Variants in ATG2B observed in about 807,000 individuals in gnomAD.
ATG2B encodes autophagy related 2B, also known as autophagy-related protein 2 homolog B.
A neutral mutation model predicts 241.3 loss-of-function variants in ATG2B; 121 were observed. That is an observed-to-expected ratio of 0.50 (90% confidence interval 0.43 to 0.58). ATG2B has a LOEUF of 0.58. Ranked by LOEUF, ATG2B falls within the 20% of genes least tolerant of loss-of-function variation. The probability of loss-of-function intolerance (pLI) is 0.00; values close to 1 mark genes in which losing one functional copy is unlikely to be tolerated. For synonymous variants in ATG2B, 858 were observed against 876.6 expected, an observed-to-expected ratio of 0.98 and a Z score of 0.37; for missense variants, 2,306 against 2,491.6, an observed-to-expected ratio of 0.93 and a Z score of 1.59.
intron 36 of ATG2B, 79 bp downstream of exon 36, chr14:96,294,881 T>C (rs879230768): frequency 7.7e-7 from 1 of 1,293,206 alleles, no homozygotes; most frequent in South Asian, 1.3e-5. Flanking sequence ...AACCTCATGA[T>C]TACCAGCACA....
chr14:96,356,162 A>C (rs1463716206), intron 1 of ATG2B, among the ~76,000 whole-genome samples: 3 of 82,940 alleles, frequency 3.6e-5, no homozygotes, highest in Non-Finnish European at 8.2e-5. Flanking sequence ...CAGAGCAAGA[A>C]TGCGGCTCAA....
chr14:96,306,600 AGTAACTCTG>A lies in ATG2B; in HGVS notation c.4506+105_4506+113del. The A allele has an allele frequency of 7.3e-6, 6 of 825,206 alleles. No individual in the cohort carries two copies. In the South Asian group the frequency reaches 1.2e-4, roughly 17 times the overall value. The allele number at this position is 825,206 out of a possible 1,614,324, so 51.1% of individuals were successfully genotyped here. ...GTCAATAGTATATTAAAAAAAAAAA[AGTAACTCTG>A]AACTATAAAGAATTTACAAAATCAA... On this transcript the variant is annotated intron_variant, in intron 30 of 41. Coordinates refer to ENST00000359933, the MANE Select transcript of ATG2B (RefSeq NM_018036.7).
Position 96,332,420 on chromosome 14 carries a change from AT to A in ATG2B, c.1363-11del. The A allele has an allele frequency of 1.2e-6, 2 of 1,612,982 alleles. No homozygotes were observed. The highest frequency in any genetic ancestry group is 1.1e-5 in the South Asian group (1 of 90,936). On this transcript the variant is annotated splice_polypyrimidine_tract_variant and intron_variant, in intron 9 of 41. Transcript: ENST00000359933. ...CCCAAGTGGGCTGAAGCTATAAAAGATTTTTTTTAAGCACATGAATGAAGTG... is the reference window on the plus strand; with the variant it reads ...CCCAAGTGGGCTGAAGCTATAAAAGATTTTTTTAAGCACATGAATGAAGTG...
rs150608832 is a variant in ATG2B, at chr14:96,350,773, C to T, written c.163-3432G>A. Among the ~76,000 whole-genome samples the T allele has an allele frequency of 5.4e-3, 815 of 152,232 alleles. 26 individuals are homozygous for T. The South Asian group carries it at 0.067, about 12-fold the overall frequency. On this transcript the variant is annotated intron_variant, in intron 1 of 41. Coordinates refer to ENST00000359933, the MANE Select transcript of ATG2B (RefSeq NM_018036.7). ...AAGGCTTTCTTCATGCTGACATTTGCATAATCCTAAAGACTTTCCCAGTAG... is the reference window on the plus strand; with the variant it reads ...AAGGCTTTCTTCATGCTGACATTTGTATAATCCTAAAGACTTTCCCAGTAG...
chr14:96,291,002 GT>G (rs968273948), intron 38 of ATG2B, 67 bp from the exon 39 acceptor site: 336 of 1,313,360 alleles, frequency 2.6e-4, no homozygotes, highest in South Asian at 4.8e-4. Flanking sequence ...TAGTTTGAGG[GT>G]TTTTTTTTAC....
At chr14:96,346,212 T>A (rs1888166103) in intron 2 of ATG2B, among the ~76,000 whole-genome samples, 1 of 152,122 alleles carries the variant, frequency 6.6e-6, no homozygotes, top group African/African-American at 2.4e-5. Flanking sequence ...AGGAAACATA[T>A]GAGATGTGAA....
At chr14:96,304,669 G>T in intron 31 of ATG2B, 66 bp from the exon 32 acceptor site, 2 of 1,206,804 alleles carry the variant, frequency 1.7e-6, no homozygotes, top group South Asian at 1.3e-5. Context: ...GTCAATGAAT[G>T]ACATTAAGGA....
intron 1 of ATG2B, among the ~76,000 whole-genome samples, chr14:96,360,042 C>T (rs1253643146): frequency 6.6e-6 from 1 of 152,214 alleles, no homozygotes; most frequent in African/African-American, 2.4e-5. Flanking sequence ...CACACTGAAA[C>T]ATTTCCACAT....
At position 96,284,257 on chromosome 14, in the gene ATG2B, G is replaced by A. The variant is rs1056988701; in HGVS notation, c.*1498C>T. On this transcript the variant is annotated 3_prime_UTR_variant, in exon 42 of 42. Transcript: ENST00000359933. ...CTACCCGAATAAGAGATGGTCCCAC[G>A]GTGCTTAAACAGGTGGTTACGCTGT... is the stretch of plus-strand genomic sequence containing the variant. 2.0e-5 allele frequency: 3 copies of A among 152,108 alleles called. No homozygotes were observed. Among genetic ancestry groups the A allele is most frequent in the Non-Finnish European group, 2.9e-5 (2 of 68,030 alleles). 9.4% of individuals were successfully genotyped at this position (152,108 alleles called of 1,614,324 possible). A position where few individuals can be genotyped will look rare whatever the true frequency, so the allele number is the denominator to read the frequency against.
intron 1 of ATG2B, among the ~76,000 whole-genome samples, chr14:96,356,034 C>G (rs1490721014): frequency 1.3e-5 from 2 of 151,672 alleles, no homozygotes; most frequent in African/African-American, 2.4e-5. Context: ...TGCCAGGCGT[C>G]GGGGTGGGAG....
At chr14:96,327,567 T>C (rs1315249606) in intron 14 of ATG2B, among the ~76,000 whole-genome samples, 1 of 152,138 alleles carries the variant, frequency 6.6e-6, no homozygotes, top group East Asian at 1.9e-4. Flanking sequence ...ATCAAATGTA[T>C]AAATAGATAA....
chr14:96,301,141 G>A (rs922018126), intron 34 of ATG2B, among the ~76,000 whole-genome samples: 13 of 152,152 alleles, frequency 8.5e-5, no homozygotes, highest in African/African-American at 2.9e-4. Flanking sequence ...TAACATTACT[G>A]ATCCCTAACC....
At chr14:96,349,417 C>T (rs937220884) in intron 1 of ATG2B, among the ~76,000 whole-genome samples, 3 of 152,096 alleles carry the variant, frequency 2.0e-5, no homozygotes, top group Non-Finnish European at 2.9e-5. Flanking sequence ...TAAGCAAGGA[C>T]GCCATGATGA....
chr14:96,282,760 C>T lies in ATG2B; in HGVS notation c.*2995G>A, dbSNP rs924363789. On this transcript the variant is annotated 3_prime_UTR_variant, in exon 42 of 42. Transcript: ENST00000359933. ...GAACAAAGACACTAAACCTACAGAA[C>T]ATCGTTTTTAAAGGAGATAGTTAAA... is the stretch of plus-strand genomic sequence containing the variant. 16 of 152,240 alleles carry T rather than the reference C, an allele frequency of 1.1e-4. No individual in the cohort carries two copies. Among genetic ancestry groups the T allele is most frequent in the African/African-American group, 3.9e-4 (16 of 41,454 alleles). 9.4% of individuals were successfully genotyped at this position (152,240 alleles called of 1,614,324 possible).
intron 35 of ATG2B, 121 bp downstream of exon 35, chr14:96,295,361 C>G (rs1886608137): frequency 1.1e-6 from 1 of 876,718 alleles, no homozygotes; most frequent in Non-Finnish European, 1.7e-6. Context: ...CAAAAATAAA[C>G]ACAGAACACA....
chr14:96,310,212 T>C (rs548390157), intron 28 of ATG2B, among the ~76,000 whole-genome samples: 1 of 152,308 alleles, frequency 6.6e-6, no homozygotes, highest in African/African-American at 2.4e-5. Context: ...GAAGAATGTT[T>C]TTTAAAAGGG....
At position 96,328,346 on chromosome 14, in the gene ATG2B, C is replaced by A; in HGVS notation, c.2163+1G>T. The A allele has an allele frequency of 6.3e-7, 1 of 1,594,048 alleles. No individual in the cohort carries two copies. The highest frequency in any genetic ancestry group is 1.1e-5 in the South Asian group (1 of 87,842). Reference sequence around the variant, plus strand: ...AGTATTTGCAGCTTTTGAATACTTACCAGACTAATATGTTTATTATATGAA... The same window carrying A: ...AGTATTTGCAGCTTTTGAATACTTAACAGACTAATATGTTTATTATATGAA... On this transcript the variant is annotated splice_donor_variant, in intron 14 of 41. Transcript: ENST00000359933. LOFTEE classifies it high-confidence loss of function.
At chr14:96,298,804 G>A (rs925945603) in intron 34 of ATG2B, among the ~76,000 whole-genome samples, 5 of 152,204 alleles carry the variant, frequency 3.3e-5, no homozygotes, top group African/African-American at 1.2e-4. Context: ...TAAGGAAAAT[G>A]TTCTATATCT....
chr14:96,300,715 C>T (rs1251853706), intron 34 of ATG2B, among the ~76,000 whole-genome samples: 2 of 152,154 alleles, frequency 1.3e-5, no homozygotes, highest in Non-Finnish European at 2.9e-5. Context: ...AAAATATCTT[C>T]TTTTCATAAT....
Sources: gnomAD v4.1 joint callset for allele counts (sites outside exome capture counted in the v4.1 genomes callset) on GRCh38, gnomAD v4.1.1 for gene constraint, MANE v1.5 for transcripts, NCBI Gene and HGNC (gene_info 2026-07-23, HGNC 2026-07-21) for gene names.